NLK: variants seen among roughly 807,000 people sequenced by gnomAD.
NLK encodes the protein nemo like kinase.
NLK carries 11 observed loss-of-function variants against 59.0 expected under a neutral mutation model. The observed-to-expected ratio is 0.19, with a 90% confidence interval of 0.12 to 0.31. The LOEUF is 0.31. Among genes scored for constraint, NLK ranks in the 10% least tolerant of loss-of-function variants. NLK has a pLI of 1.00. For synonymous variants in NLK, 235 were observed against 235.9 expected (o/e 1.00, Z 0.03); for missense variants, 410 against 661.1 (o/e 0.62, Z 4.16).
intron 2 of NLK, among the ~76,000 whole-genome samples, chr17:28,124,677 T>G (rs1470145584): frequency 6.6e-6 from 1 of 152,114 alleles, no homozygotes; most frequent in Non-Finnish European, 1.5e-5. Flanking sequence ...CATCAAAGAG[T>G]GCAGACCTTC....
chr17:28,076,768 A>G (rs1910171986), intron 1 of NLK, among the ~76,000 whole-genome samples: 1 of 152,170 alleles, frequency 6.6e-6, no homozygotes, highest in Non-Finnish European at 1.5e-5. Context: ...GAAGTGGAGT[A>G]GAGAGGGTTA....
chr17:28,098,328 G>A lies in NLK; in HGVS notation c.459-24275G>A, dbSNP rs80336418. Among the ~76,000 whole-genome samples, 519 of 152,134 alleles carry A rather than the reference G, an allele frequency of 3.4e-3. 6 individuals carry two copies. The highest frequency in any genetic ancestry group is 0.012 in the African/African-American group (499 of 41,486). On this transcript the variant is annotated intron_variant, in intron 1 of 10. Transcript: ENST00000407008. ...ATTGTCATAAGAATTAGGCAGAACG[G>A]GTAGCCTCATATACCCAAGGTGGAG... is the stretch of plus-strand genomic sequence containing the variant.
chr17:28,098,612 G>A (rs762351904), intron 1 of NLK, among the ~76,000 whole-genome samples: 1 of 146,082 alleles, frequency 6.8e-6, no homozygotes, highest in Non-Finnish European at 1.5e-5. Context: ...ATCACCTATT[G>A]TTGGGCATAC....
intron 6 of NLK, among the ~76,000 whole-genome samples, 184 bp downstream of exon 6, chr17:28,168,841 T>A (rs1908348659): frequency 1.3e-5 from 2 of 152,196 alleles, no homozygotes; most frequent in Admixed American, 6.5e-5. Context: ...TTGTAACTTA[T>A]GAGCCTTTAG....
chr17:28,076,755 A>G (rs1461979766), intron 1 of NLK, among the ~76,000 whole-genome samples: 2 of 152,148 alleles, frequency 1.3e-5, no homozygotes, highest in Admixed American at 1.3e-4. Context: ...AGTGAAAAAC[A>G]AAGAAGTGGA....
intron 7 of NLK, among the ~76,000 whole-genome samples, chr17:28,176,391 T>C (rs1908682333): frequency 6.6e-6 from 1 of 152,248 alleles, no homozygotes; most frequent in South Asian, 2.1e-4. Context: ...ACATAAATTA[T>C]CATTTTTGTT....
At chr17:28,136,242 T>C (rs1310424560) in intron 3 of NLK, among the ~76,000 whole-genome samples, 1 of 152,242 alleles carries the variant, frequency 6.6e-6, no homozygotes, top group Non-Finnish European at 1.5e-5. Context: ...AGTAATTAGC[T>C]GACTACAGAT....
intron 6 of NLK, among the ~76,000 whole-genome samples, chr17:28,171,669 A>G (rs1018527076): frequency 6.6e-6 from 1 of 152,216 alleles, no homozygotes; most frequent in Non-Finnish European, 1.5e-5. Context: ...TATTTATTAA[A>G]TCACAGGTGT....
intron 1 of NLK, among the ~76,000 whole-genome samples, chr17:28,120,161 A>G (rs1246112500): frequency 6.6e-6 from 1 of 152,166 alleles, no homozygotes; most frequent in Non-Finnish European, 1.5e-5. Flanking sequence ...TAGTCTGAAT[A>G]CAGCAATATA....
At chr17:28,092,014 C>A (rs1412888769) in intron 1 of NLK, among the ~76,000 whole-genome samples, 3 of 152,082 alleles carry the variant, frequency 2.0e-5, no homozygotes, top group African/African-American at 7.2e-5. Context: ...CCTAGTTGAA[C>A]AAGAAAGACC....
At chr17:28,187,654 G>A (rs1480309112) in intron 8 of NLK, among the ~76,000 whole-genome samples, 2 of 152,174 alleles carry the variant, frequency 1.3e-5, no homozygotes, top group African/African-American at 4.8e-5. Context: ...AGTGTTTACA[G>A]TCTTTAAGGC....
chr17:28,166,142 G>C (rs964754937), intron 5 of NLK, among the ~76,000 whole-genome samples: 4 of 152,226 alleles, frequency 2.6e-5, no homozygotes, highest in Admixed American at 6.5e-5. Context: ...TTGAACCTGA[G>C]AGGCAGACGT....
Position 28,196,151 on chromosome 17 carries a change from G to C in NLK, c.*1515G>C, listed in dbSNP as rs1040561328. On this transcript the variant is annotated 3_prime_UTR_variant, in exon 11 of 11. Transcript: ENST00000407008. The stretch of plus-strand genomic sequence containing the variant: ...AACATTGAATTACTAAACAAAGATG[G>C]TGCAATATCTTTGTTTTTTTTTTAT... 2 of 152,536 alleles carry C rather than the reference G, an allele frequency of 1.3e-5. No homozygotes were observed. The highest frequency in any genetic ancestry group is 6.5e-5 in the Admixed American group (1 of 15,270). The allele number at this position is 152,536 out of a possible 1,614,324, so 9.4% of individuals were successfully genotyped here.
chr17:28,055,095 C>CTTTT (rs1041966713), intron 1 of NLK, among the ~76,000 whole-genome samples: 1 of 132,134 alleles, frequency 7.6e-6, no homozygotes, highest in Non-Finnish European at 1.6e-5. Flanking sequence ...ATTTTTTTTT[C>CTTTT]TTTTTTTTTT....
chr17:28,079,269 A>G (rs1163150791), intron 1 of NLK, among the ~76,000 whole-genome samples: 1 of 152,168 alleles, frequency 6.6e-6, no homozygotes, highest in Non-Finnish European at 1.5e-5. Context: ...TTATTTATCC[A>G]TTGATAGACA....
chr17:28,109,399 C>T (rs1200436198), intron 1 of NLK, among the ~76,000 whole-genome samples: 2 of 152,072 alleles, frequency 1.3e-5, no homozygotes, highest in Admixed American at 6.6e-5. Context: ...AATTTATATA[C>T]CATCAAATTT....
chr17:28,174,651 T>C (rs1418852815), intron 7 of NLK, among the ~76,000 whole-genome samples: 2 of 152,228 alleles, frequency 1.3e-5, no homozygotes, highest in Non-Finnish European at 2.9e-5. Flanking sequence ...CAATACATAA[T>C]TGAATGTAAA....
intron 3 of NLK, among the ~76,000 whole-genome samples, chr17:28,155,225 T>C (rs1412912443): frequency 6.6e-6 from 1 of 152,094 alleles, no homozygotes; most frequent in East Asian, 1.9e-4. Context: ...TATATTTTAT[T>C]AAAAGAACAG....
Position 28,059,003 on chromosome 17 carries a change from G to A in NLK, c.458+15672G>A, listed in dbSNP as rs1209658622. On this transcript the variant is annotated intron_variant, in intron 1 of 10. Coordinates refer to ENST00000407008, the MANE Select transcript of NLK (RefSeq NM_016231.5). ...TAGCTGGACATGGTGGAGTGTGCCT[G>A]TAGTCCCAGCTACTTGGGAGGCTGA... is the stretch of plus-strand genomic sequence containing the variant. 2.0e-5 allele frequency among the ~76,000 whole-genome samples: 3 copies of A among 152,142 alleles called. No individual in the cohort carries two copies. In the East Asian group the frequency reaches 5.8e-4, roughly 29 times the overall value.
Sources: gnomAD v4.1 joint callset for allele counts (sites outside exome capture counted in the v4.1 genomes callset) on GRCh38, gnomAD v4.1.1 for gene constraint, MANE v1.5 for transcripts, NCBI Gene and HGNC (gene_info 2026-07-23, HGNC 2026-07-21) for gene names.